The following WWOX variants were observed in gnomAD, a reference collection of about 807,000 sequenced individuals.
WWOX encodes the protein WW domain containing oxidoreductase, also known as WW domain-containing oxidoreductase.
WWOX carries 69 observed loss-of-function variants against 46.2 expected under a neutral mutation model. The observed-to-expected ratio is 1.49, with a 90% CI of 1.23 to 1.82. The LOEUF (loss-of-function observed/expected upper bound fraction) is 1.82, where lower values mean the gene tolerates loss of function less well. WWOX is among the 40% of genes most tolerant of loss of function. The pLI is 0.00. For missense variants in WWOX, 919 were observed against 542.6 expected, an observed-to-expected ratio of 1.69 and a Z score of -6.89; for synonymous variants, 359 against 202.6, an observed-to-expected ratio of 1.77 and a Z score of -6.56.
At chr16:78,141,615 A>G (rs1204144957) in intron 4 of WWOX, among the ~76,000 whole-genome samples, 1 of 152,196 alleles carries the variant, frequency 6.6e-6, no homozygotes, top group African/African-American at 2.4e-5. Flanking sequence ...AATTGTAATC[A>G]TTAGTAGCAG....
intron 5 of WWOX, among the ~76,000 whole-genome samples, chr16:78,339,239 T>A (rs892432017): frequency 8.4e-6 from 1 of 119,728 alleles, no homozygotes; most frequent in African/African-American, 2.8e-5. Context: ...TATTTTTCTT[T>A]CCTGCACCTT....
At chr16:78,477,501 T>A (rs1357207552) in intron 8 of WWOX, among the ~76,000 whole-genome samples, 1 of 152,180 alleles carries the variant, frequency 6.6e-6, no homozygotes, top group African/African-American at 2.4e-5. Context: ...TGCTTAAAAC[T>A]AACTGGAAAA....
chr16:79,119,209 A>G (rs1436799437), intron 8 of WWOX, among the ~76,000 whole-genome samples: 1 of 152,076 alleles, frequency 6.6e-6, no homozygotes, highest in Non-Finnish European at 1.5e-5. Context: ...AAAAATCATT[A>G]CTAATATGAT....
chr16:78,516,777 A>G (rs1304389610), intron 8 of WWOX, among the ~76,000 whole-genome samples: 1 of 152,206 alleles, frequency 6.6e-6, no homozygotes, highest in Non-Finnish European at 1.5e-5. Flanking sequence ...AATAATTCAA[A>G]AATCCGTGGC....
chr16:78,422,185 A>G (rs1408535574), intron 6 of WWOX, among the ~76,000 whole-genome samples: 2 of 152,168 alleles, frequency 1.3e-5, no homozygotes, highest in African/African-American at 4.8e-5. Context: ...AACTCTTTAT[A>G]TACTAAAAAT....
intron 8 of WWOX, among the ~76,000 whole-genome samples, chr16:78,837,082 C>T (rs2052007495): frequency 6.6e-6 from 1 of 151,724 alleles, no homozygotes; most frequent in Admixed American, 6.6e-5. Context: ...TGCAGATGGC[C>T]CTTTGCTGCT....
chr16:78,371,921 A>G (rs2081699451), intron 5 of WWOX, among the ~76,000 whole-genome samples: 1 of 152,230 alleles, frequency 6.6e-6, no homozygotes, highest in Admixed American at 6.5e-5. Flanking sequence ...CACAATGGTA[A>G]TTTATTTCCA....
chr16:78,781,778 T>C (rs2050333024), intron 8 of WWOX, among the ~76,000 whole-genome samples: 1 of 152,124 alleles, frequency 6.6e-6, no homozygotes, highest in Non-Finnish European at 1.5e-5. Flanking sequence ...CCATCTCAAA[T>C]AAAATTAGTC....
At position 79,074,737 on chromosome 16, in the gene WWOX, C is replaced by A. The variant is rs1012611381; in HGVS notation, c.1057-136871C>A. ...TCTTCCCTCTACAAAGATAACTAAG[C>A]TGAGATAGCCTAACTCCCCCAGCTC... On this transcript the variant is annotated intron_variant, in intron 8 of 8. Coordinates refer to ENST00000566780, the MANE Select transcript of WWOX (RefSeq NM_016373.4). Among the ~76,000 whole-genome samples, 4 of 152,176 alleles carry A rather than the reference C, an allele frequency of 2.6e-5. No individual in the cohort carries two copies. In the East Asian group the frequency reaches 7.7e-4, roughly 29 times the overall value.
chr16:79,057,016 G>A (rs139408920), intron 8 of WWOX, among the ~76,000 whole-genome samples: 60 of 152,258 alleles, frequency 3.9e-4, no homozygotes, highest in African/African-American at 1.4e-3. Context: ...TTACAAATAC[G>A]AAGGAAAAAT....
At chr16:78,628,513 C>T (rs1461888300) in intron 8 of WWOX, among the ~76,000 whole-genome samples, 1 of 152,128 alleles carries the variant, frequency 6.6e-6, no homozygotes, top group Non-Finnish European at 1.5e-5. Context: ...CTTGCCAGCT[C>T]CTTAAGGATA....
chr16:78,408,717 A>C (rs1196006283), intron 6 of WWOX, among the ~76,000 whole-genome samples: 1 of 152,212 alleles, frequency 6.6e-6, no homozygotes, highest in Non-Finnish European at 1.5e-5. Context: ...AGAGGGAGAT[A>C]CAGCTAATTT....
chr16:78,958,932 A>G (rs1002510656), intron 8 of WWOX, among the ~76,000 whole-genome samples: 1 of 152,224 alleles, frequency 6.6e-6, no homozygotes, highest in Non-Finnish European at 1.5e-5. Context: ...GATTTGGACT[A>G]AAAAATAAGA....
At chr16:78,875,240 GC>G in intron 8 of WWOX, among the ~76,000 whole-genome samples, 1 of 152,080 alleles carries the variant, frequency 6.6e-6, no homozygotes, top group Non-Finnish European at 1.5e-5. Flanking sequence ...GATGTTCACC[GC>G]TTCTTTAGGG....
intron 8 of WWOX, among the ~76,000 whole-genome samples, chr16:78,813,704 T>C (rs1269930652): frequency 6.6e-6 from 1 of 152,206 alleles, no homozygotes; most frequent in Non-Finnish European, 1.5e-5. Flanking sequence ...ATGTTTGTTT[T>C]CTACTACCTG....
intron 8 of WWOX, among the ~76,000 whole-genome samples, chr16:78,441,433 G>T (rs541765382): frequency 3.3e-4 from 50 of 152,194 alleles, no homozygotes; most frequent in Admixed American, 5.9e-4. Context: ...AGTTTAGAAT[G>T]TGTAAATACG....
At chr16:78,357,913 C>G (rs1323490866) in intron 5 of WWOX, among the ~76,000 whole-genome samples, 1 of 152,204 alleles carries the variant, frequency 6.6e-6, no homozygotes, top group Non-Finnish European at 1.5e-5. Flanking sequence ...GTTTTCTTGC[C>G]TAAGCGGTGG....
intron 8 of WWOX, among the ~76,000 whole-genome samples, chr16:78,735,596 G>T (rs571598105): frequency 6.6e-6 from 1 of 152,320 alleles, no homozygotes; most frequent in East Asian, 1.9e-4. Flanking sequence ...TTTTGTGTCT[G>T]CAGGCATGGG....
intron 8 of WWOX, among the ~76,000 whole-genome samples, chr16:78,649,090 C>T (rs943027464): frequency 1.3e-5 from 2 of 152,168 alleles, no homozygotes; most frequent in African/African-American, 2.4e-5. Flanking sequence ...TCTCCTGCCT[C>T]AGTCTCCCAA....
Sources: gnomAD v4.1 joint callset for allele counts (sites outside exome capture counted in the v4.1 genomes callset) on GRCh38, gnomAD v4.1.1 for gene constraint, MANE v1.5 for transcripts, NCBI Gene and HGNC (gene_info 2026-07-23, HGNC 2026-07-21) for gene names.